TAX1BP1: variants seen among roughly 807,000 people sequenced by gnomAD.
TAX1BP1 encodes tax1-binding protein 1.
TAX1BP1 carries 62 observed loss-of-function variants against 97.7 expected under a neutral mutation model. The observed-to-expected ratio is 0.63, with a 90% CI of 0.52 to 0.78. The LOEUF is 0.78. Ranked by LOEUF, TAX1BP1 falls within the 30% of genes least tolerant of loss-of-function variation. The pLI is 0.00. For missense variants in TAX1BP1, 867 were observed against 916.1 expected (o/e 0.95, Z 0.69); for synonymous variants, 340 against 304.2 (o/e 1.12, Z -1.23).
intron 15 of TAX1BP1, among the ~76,000 whole-genome samples, chr7:27,824,151 C>T (rs777568666): frequency 4.6e-5 from 7 of 152,076 alleles, no homozygotes; most frequent in Non-Finnish European, 8.8e-5. Context: ...AGTAGAATTG[C>T]TGGATAATAT....
At chr7:27,755,202 T>A (rs1031044889) in intron 2 of TAX1BP1, among the ~76,000 whole-genome samples, 2 of 152,202 alleles carry the variant, frequency 1.3e-5, no homozygotes, top group Non-Finnish European at 2.9e-5. Flanking sequence ...TGTCTGTTGT[T>A]GTATGTTTCT....
chr7:27,775,797 G>A (rs1444265494), intron 5 of TAX1BP1, among the ~76,000 whole-genome samples: 1 of 152,100 alleles, frequency 6.6e-6, no homozygotes, highest in African/African-American at 2.4e-5. Flanking sequence ...GACTATCAGG[G>A]TCAGAATAAA....
intron 13 of TAX1BP1, among the ~76,000 whole-genome samples, chr7:27,802,722 T>C (rs1343077035): frequency 6.6e-6 from 1 of 152,154 alleles, no homozygotes. Flanking sequence ...GTACACGAGT[T>C]AATATTTGTG....
In TAX1BP1 at chr7:27,793,082, T is replaced by C. The variant is rs558651859; in HGVS notation, c.1280T>C (p.Leu427Pro). The C allele has an allele frequency of 3.7e-6, 6 of 1,600,638 alleles. No individual in the cohort carries two copies. In the African/African-American group the frequency reaches 6.8e-5, roughly 18 times the overall value. ...MKKDQDKTDT[L>P]EHELRREVED... The stretch of plus-strand genomic sequence containing the variant: ...TCTTTCTAGGACAAGACTGATACAC[T>C]GGAACACGAACTAAGAAGAGAAGTT... Residue 427 changes from leucine to proline, a missense_variant, in exon 10 of 17, where the codon CTG becomes CCG. Leu to Pro is a moderately conservative substitution (Grantham distance 98). Around this residue, in one of 3 missense-constraint regions of TAX1BP1, gnomAD observed 822 missense variants for 851.4 expected, o/e 0.97. Coordinates refer to ENST00000396319, the MANE Select transcript of TAX1BP1 (RefSeq NM_006024.7).
At chr7:27,741,460 C>G (rs1040188675) in intron 1 of TAX1BP1, among the ~76,000 whole-genome samples, 5 of 151,092 alleles carry the variant, frequency 3.3e-5, no homozygotes, top group Non-Finnish European at 7.4e-5. Context: ...TGTTCAACTT[C>G]AAAGAACATT....
chr7:27,748,465 A>G (rs1476879395), intron 1 of TAX1BP1, 53 bp from the exon 2 acceptor site: 4 of 1,295,756 alleles, frequency 3.1e-6, no homozygotes, highest in Non-Finnish European at 4.1e-6. Context: ...TTCTGAAGGC[A>G]TAAGTTTATT....
intron 15 of TAX1BP1, among the ~76,000 whole-genome samples, chr7:27,825,084 C>T (rs1791124061): frequency 6.6e-6 from 1 of 151,916 alleles, no homozygotes; most frequent in Non-Finnish European, 1.5e-5. Context: ...TTAATATAAC[C>T]TTGATGATTA....
intron 11 of TAX1BP1, among the ~76,000 whole-genome samples, chr7:27,795,544 T>C (rs1294433237): frequency 1.3e-5 from 2 of 152,096 alleles, no homozygotes; most frequent in Non-Finnish European, 2.9e-5. Context: ...GAACTCTTTT[T>C]AGCAAATTTT....
chr7:27,804,549 CT>C (rs1342529708), intron 13 of TAX1BP1, among the ~76,000 whole-genome samples: 1 of 152,220 alleles, frequency 6.6e-6, no homozygotes, highest in East Asian at 1.9e-4. Flanking sequence ...ACTGCTCCCA[CT>C]TTAGATGCCA....
intron 14 of TAX1BP1, among the ~76,000 whole-genome samples, 165 bp from the exon 15 acceptor site, chr7:27,816,725 T>C (rs893874308): frequency 1.3e-5 from 2 of 152,260 alleles, no homozygotes; most frequent in African/African-American, 4.8e-5. Context: ...TATTTACTTA[T>C]TGCATATAGT....
chr7:27,807,850 A>T (rs2158388), intron 13 of TAX1BP1, among the ~76,000 whole-genome samples: 117,986 of 152,008 alleles, frequency 0.78, 46,865 homozygotes, highest in African/African-American at 0.95. Context: ...ATTCATTGAT[A>T]TTTATCATTG....
rs540413933 is a variant in TAX1BP1, at chr7:27,828,863, G to GT, written c.*35dup. On this transcript the variant is annotated 3_prime_UTR_variant, in exon 17 of 17. Transcript: ENST00000396319. The stretch of plus-strand genomic sequence containing the variant: ...TATTATGAGTTAATATAGTTTAGCA[G>GT]TAAAAAAAAAAAAAAAAACCACACC... 12,204 of 713,246 alleles carry GT rather than the reference G, an allele frequency of 0.017. 30 individuals carry two copies. Among genetic ancestry groups the GT allele is most frequent in the Non-Finnish European group, 0.021 (10,167 of 484,152 alleles). 44.2% of individuals were successfully genotyped at this position (713,246 alleles called of 1,614,324 possible).
intron 7 of TAX1BP1, 40 bp from the exon 8 acceptor site, chr7:27,787,378 G>T: frequency 6.6e-7 from 1 of 1,512,482 alleles, no homozygotes; most frequent in South Asian, 1.3e-5. Context: ...CTTAGGTCAT[G>T]GAGTTAGAAT....
chr7:27,779,930 T>G (rs939928289), intron 5 of TAX1BP1, among the ~76,000 whole-genome samples: 4 of 152,352 alleles, frequency 2.6e-5, no homozygotes, highest in Admixed American at 6.5e-5. Context: ...ATCAATAGTG[T>G]AAGTTATAGA....
chr7:27,742,578 A>G (rs998980410), intron 1 of TAX1BP1, among the ~76,000 whole-genome samples: 14 of 151,952 alleles, frequency 9.2e-5, no homozygotes, highest in Non-Finnish European at 1.8e-4. Flanking sequence ...ACTTCTTTCT[A>G]CACAGACACA....
At chr7:27,768,707 A>T (rs913723061) in intron 4 of TAX1BP1, among the ~76,000 whole-genome samples, 1 of 152,066 alleles carries the variant, frequency 6.6e-6, no homozygotes, top group Non-Finnish European at 1.5e-5. Flanking sequence ...ATATAAAAAA[A>T]TTCAATGATT....
intron 13 of TAX1BP1, among the ~76,000 whole-genome samples, chr7:27,808,607 A>G (rs1790433638): frequency 1.3e-5 from 2 of 152,148 alleles, no homozygotes; most frequent in Non-Finnish European, 1.5e-5. Context: ...TATTTCTCCT[A>G]TTTACCAGTT....
intron 12 of TAX1BP1, among the ~76,000 whole-genome samples, chr7:27,797,142 C>A (rs985576784): frequency 6.6e-4 from 100 of 151,804 alleles, no homozygotes; most frequent in Non-Finnish European, 1.1e-3. Context: ...AGACTACAGG[C>A]GCCTGCCACC....
intron 1 of TAX1BP1, among the ~76,000 whole-genome samples, chr7:27,747,590 G>C (rs1787874674): frequency 6.6e-6 from 1 of 152,158 alleles, no homozygotes; most frequent in Non-Finnish European, 1.5e-5. Flanking sequence ...AGAACAAATA[G>C]GCTGAGCCAT....
Sources: allele counts gnomAD v4.1 joint callset (sites outside exome capture counted in the v4.1 genomes callset), GRCh38; gene constraint gnomAD v4.1.1; regional missense constraint gnomAD v4.1.1; transcripts MANE v1.5; gene names NCBI Gene and HGNC (gene_info 2026-07-23, HGNC 2026-07-21).